The following SLC30A6 variants were observed in gnomAD, a reference collection of about 807,000 sequenced individuals.
The protein encoded by SLC30A6 is zinc transporter 6.
In SLC30A6, 55 loss-of-function variants were observed where a neutral mutation model predicts 63.0. The ratio of observed to expected loss-of-function variants is 0.87; its 90% CI spans 0.70 to 1.09. The LOEUF (loss-of-function observed/expected upper bound fraction) is 1.09, where lower values mean the gene tolerates loss of function less well. Ranked by LOEUF, SLC30A6 falls within the 50% of genes least tolerant of loss-of-function variation. SLC30A6 has a pLI of 0.00. For missense variants in SLC30A6, 587 were observed against 549.2 expected, an observed-to-expected ratio of 1.07 and a Z score of -0.69; for synonymous variants, 224 against 186.1, an observed-to-expected ratio of 1.20 and a Z score of -1.66.
intron 4 of SLC30A6, among the ~76,000 whole-genome samples, chr2:32,175,690 T>C (rs995954314): frequency 6.6e-6 from 1 of 152,066 alleles, no homozygotes; most frequent in African/African-American, 2.4e-5. Flanking sequence ...TAACAGTAAT[T>C]AGAGAGCAGG....
At chr2:32,202,127 C>G (rs1240236874) in intron 10 of SLC30A6, 1 of 734,902 alleles carries the variant, frequency 1.4e-6, no homozygotes, top group African/African-American at 1.8e-5. Flanking sequence ...GGAACCTTCT[C>G]CAATCTTCCT....
chr2:32,216,534 AAAATAAAT>A (rs199888607), intron 13 of SLC30A6, among the ~76,000 whole-genome samples: 4,069 of 133,020 alleles, frequency 0.031, 80 homozygotes, highest in African/African-American at 0.064. Flanking sequence ...AGACTCTCTC[AAAATAAAT>A]AAATAAATAA....
At chr2:32,204,894 G>A (rs1407247393) in intron 11 of SLC30A6, among the ~76,000 whole-genome samples, 1 of 143,616 alleles carries the variant, frequency 7.0e-6, no homozygotes, top group East Asian at 2.0e-4. Flanking sequence ...GCTCACTGCC[G>A]CCTTGACCTC....
At chr2:32,219,254 G>A (rs1375691633) in intron 13 of SLC30A6, among the ~76,000 whole-genome samples, 8 of 151,246 alleles carry the variant, frequency 5.3e-5, no homozygotes, top group African/African-American at 9.7e-5. Context: ...GGCTGGTCTC[G>A]AACTCCTGAC....
intron 13 of SLC30A6, among the ~76,000 whole-genome samples, chr2:32,215,879 G>A (rs947460907): frequency 2.1e-5 from 3 of 143,174 alleles, no homozygotes; most frequent in Non-Finnish European, 3.1e-5. Context: ...TTTTTATAAC[G>A]ATAGAGTCTT....
At chr2:32,194,297 G>A (rs1683587799) in intron 8 of SLC30A6, among the ~76,000 whole-genome samples, 1 of 152,136 alleles carries the variant, frequency 6.6e-6, no homozygotes, top group African/African-American at 2.4e-5. Flanking sequence ...AAAGTCTATT[G>A]TAAGCATTTT....
At chr2:32,166,945 A>G (rs1237644350) in intron 1 of SLC30A6, among the ~76,000 whole-genome samples, 2 of 152,130 alleles carry the variant, frequency 1.3e-5, no homozygotes, top group Non-Finnish European at 2.9e-5. Flanking sequence ...TATATTTCTA[A>G]AATTTGACCA....
chr2:32,195,387 A>G (rs1683697077), intron 8 of SLC30A6, among the ~76,000 whole-genome samples: 2 of 151,982 alleles, frequency 1.3e-5, no homozygotes, highest in Non-Finnish European at 2.9e-5. Flanking sequence ...TTTGATTAGC[A>G]TTATGTCTTC....
chr2:32,184,384 A>G, intron 5 of SLC30A6, 46 bp downstream of exon 5: 1 of 1,100,680 alleles, frequency 9.1e-7, no homozygotes, highest in Non-Finnish European at 1.3e-6. Flanking sequence ...GACTACTAAA[A>G]TATTATTTAT....
intron 5 of SLC30A6, among the ~76,000 whole-genome samples, chr2:32,190,520 TG>T (rs1573322033): frequency 1.3e-5 from 2 of 152,166 alleles, no homozygotes; most frequent in East Asian, 3.8e-4. Flanking sequence ...TTTGTGTACT[TG>T]TTAAGAAATC....
intron 5 of SLC30A6, among the ~76,000 whole-genome samples, chr2:32,189,497 A>T (rs912470745): frequency 6.8e-6 from 1 of 147,978 alleles, no homozygotes; most frequent in African/African-American, 2.5e-5. Context: ...GGGTTCCACC[A>T]TGTTGGCCAG....
At chr2:32,174,820 G>T (rs1681585679) in intron 3 of SLC30A6, among the ~76,000 whole-genome samples, 1 of 152,070 alleles carries the variant, frequency 6.6e-6, no homozygotes, top group South Asian at 2.1e-4. Context: ...CCAAAGTGCT[G>T]GGATTACAGG....
Position 32,192,368 on chromosome 2 carries a change from C to G in SLC30A6, c.317C>G (p.Ala106Gly). Residue 106 changes from alanine (A) to glycine (G), a missense_variant, in exon 6 of 14, where the codon GCC becomes GGC. Physicochemically the swap from Ala to Gly is moderately conservative, Grantham distance 60. Transcript: ENST00000282587. ...FERLEVLAVF[A>G]STVLAQLGAL... Reference sequence around the variant, plus strand: ...AGATTAGAAGTCCTGGCTGTATTTGCCTCCACAGTCTTGGCACAGTTGGGA... The same window carrying G: ...AGATTAGAAGTCCTGGCTGTATTTGGCTCCACAGTCTTGGCACAGTTGGGA... 6.2e-7 allele frequency: 1 copy of G among 1,613,916 alleles called. No individual in the cohort carries two copies. Among genetic ancestry groups the G allele is most frequent in the Non-Finnish European group, 8.5e-7 (1 of 1,179,914 alleles).
chr2:32,206,995 C>T, intron 12 of SLC30A6, 62 bp downstream of exon 12: 1 of 1,291,040 alleles, frequency 7.7e-7, no homozygotes, highest in South Asian at 1.2e-5. Context: ...AAGGTGGATA[C>T]TTTTAATACT....
chr2:32,216,374 A>G (rs915528102), intron 13 of SLC30A6, among the ~76,000 whole-genome samples: 3 of 152,040 alleles, frequency 2.0e-5, no homozygotes, highest in Admixed American at 1.3e-4. Context: ...TATCTCTACT[A>G]AAAATACTAA....
intron 10 of SLC30A6, among the ~76,000 whole-genome samples, chr2:32,199,842 C>T (rs543399325): frequency 2.6e-5 from 4 of 152,052 alleles, no homozygotes; most frequent in African/African-American, 9.7e-5. Flanking sequence ...TGGCTGGGTG[C>T]GGTGGCTTAC....
rs773649298 is a variant in SLC30A6, at chr2:32,171,278, GT to G, written c.4-6del. ...TCTAAATGCTGATTTGTATATGTTT[GT>G]TTGAAAGGGGACAATTCATCTCTTT... On this transcript the variant is annotated splice_polypyrimidine_tract_variant and splice_region_variant and intron_variant, in intron 1 of 13. Transcript: ENST00000282587. 5.6e-6 allele frequency: 9 copies of G among 1,611,336 alleles called. No homozygotes were observed. The South Asian group carries it at 9.9e-5, about 18-fold the overall frequency.
At chr2:32,174,724 G>C (rs1392001567) in intron 3 of SLC30A6, among the ~76,000 whole-genome samples, 1 of 150,626 alleles carries the variant, frequency 6.6e-6, no homozygotes, top group Non-Finnish European at 1.5e-5. Context: ...TGGCTAATTT[G>C]TGTAGTTTTG....
intron 13 of SLC30A6, among the ~76,000 whole-genome samples, chr2:32,217,055 ATT>A (rs796311676): frequency 6.9e-6 from 1 of 144,262 alleles, no homozygotes. Context: ...CGCCCGGCAA[ATT>A]TTTTTTTTTT....
Sources: allele counts gnomAD v4.1 joint callset (sites outside exome capture counted in the v4.1 genomes callset), GRCh38; gene constraint gnomAD v4.1.1; transcripts MANE v1.5; gene names NCBI Gene and HGNC (gene_info 2026-07-23, HGNC 2026-07-21).